RABGAP1L: variants seen among roughly 807,000 people sequenced by gnomAD.
RABGAP1L encodes RAB GTPase activating protein 1 like.
RABGAP1L carries 63 observed loss-of-function variants against 137.7 expected under a neutral mutation model. The ratio of observed to expected loss-of-function variants is 0.46; its 90% CI spans 0.37 to 0.56. The LOEUF (loss-of-function observed/expected upper bound fraction) is 0.56. Ranked by LOEUF, RABGAP1L falls within the 20% of genes least tolerant of loss-of-function variation. The pLI, the probability that RABGAP1L is intolerant of heterozygous loss-of-function variation, is 0.00. For missense variants in RABGAP1L, 1,095 were observed against 1,244.0 expected, an observed-to-expected ratio of 0.88 and a Z score of 1.80; for synonymous variants, 431 against 433.7, an observed-to-expected ratio of 0.99 and a Z score of 0.08.
chr1:174,274,440 G>A (rs1231785327), intron 8 of RABGAP1L, among the ~76,000 whole-genome samples: 1 of 151,966 alleles, frequency 6.6e-6, no homozygotes, highest in Non-Finnish European at 1.5e-5. Context: ...ATAGTATTTG[G>A]TACAGTAACG....
intron 10 of RABGAP1L, among the ~76,000 whole-genome samples, chr1:174,288,584 AG>A (rs1318854237): frequency 6.6e-6 from 1 of 152,162 alleles, no homozygotes; most frequent in Non-Finnish European, 1.5e-5. Flanking sequence ...CAGTCTTACA[AG>A]GGCTCTTTTG....
At position 174,479,898 on chromosome 1, in the gene RABGAP1L, C is replaced by T. The variant is rs78835743; in HGVS notation, c.1710+85753C>T. Reference sequence around the variant, plus strand: ...TGACTAGGATATTTACTCTCTCTCTCTCAGAAACATCTATATCTTTAATAT... The same window carrying T: ...TGACTAGGATATTTACTCTCTCTCTTTCAGAAACATCTATATCTTTAATAT... On this transcript the variant is annotated intron_variant, in intron 13 of 25. Transcript: ENST00000681986. Among the ~76,000 whole-genome samples, 612 of 152,262 alleles carry T rather than the reference C, an allele frequency of 4.0e-3. 6 individuals carry two copies. The highest frequency in any genetic ancestry group is 0.012 in the African/African-American group (496 of 41,564).
chr1:174,784,790 G>T (rs1573183806), intron 18 of RABGAP1L, among the ~76,000 whole-genome samples: 1 of 152,174 alleles, frequency 6.6e-6, no homozygotes, highest in Non-Finnish European at 1.5e-5. Context: ...CTGGTACTAG[G>T]CTTTTACATG....
intron 1 of RABGAP1L, among the ~76,000 whole-genome samples, chr1:174,161,303 C>T (rs1291822930): frequency 6.6e-6 from 1 of 151,788 alleles, no homozygotes; most frequent in African/African-American, 2.4e-5. Flanking sequence ...AGTGCAACAG[C>T]GCGATCTCGG....
At chr1:174,216,800 G>C (rs1462999370) in intron 1 of RABGAP1L, among the ~76,000 whole-genome samples, 4 of 152,072 alleles carry the variant, frequency 2.6e-5, no homozygotes, top group African/African-American at 7.2e-5. Context: ...GAAAGTGATG[G>C]GGGCAAGGGT....
chr1:174,772,612 T>TA (rs1344126116), intron 18 of RABGAP1L, among the ~76,000 whole-genome samples: 3 of 147,716 alleles, frequency 2.0e-5, no homozygotes, highest in African/African-American at 7.5e-5. Context: ...TAACCATTCC[T>TA]AAGTACACAG....
chr1:174,419,909 AC>A (rs1651053650), intron 13 of RABGAP1L, among the ~76,000 whole-genome samples: 1 of 152,114 alleles, frequency 6.6e-6, no homozygotes, highest in South Asian at 2.1e-4. Flanking sequence ...TGCTTCTTTA[AC>A]TTTTTTCACA....
intron 14 of RABGAP1L, among the ~76,000 whole-genome samples, chr1:174,665,434 G>GCCCCA (rs1464186194): frequency 1.5e-5 from 1 of 65,084 alleles, no homozygotes; most frequent in African/African-American, 5.7e-5. Context: ...GCCTCGCCCC[G>GCCCCA]CCCCGCCCCG....
At chr1:174,956,901 G>A (rs1432590159) in intron 19 of RABGAP1L, among the ~76,000 whole-genome samples, 1 of 152,068 alleles carries the variant, frequency 6.6e-6, no homozygotes, top group Non-Finnish European at 1.5e-5. Context: ...GCCCACCTCA[G>A]CCTCCCAAAG....
chr1:174,538,357 A>G (rs1487625804), intron 13 of RABGAP1L, among the ~76,000 whole-genome samples: 1 of 152,146 alleles, frequency 6.6e-6, no homozygotes, highest in African/African-American at 2.4e-5. Flanking sequence ...AGTTCTTTAC[A>G]CATCTTTTTG....
chr1:174,735,702 A>G (rs1201164922), intron 17 of RABGAP1L, among the ~76,000 whole-genome samples: 3 of 151,258 alleles, frequency 2.0e-5, no homozygotes, highest in African/African-American at 7.3e-5. Flanking sequence ...GTGATTCTAC[A>G]GGCTGTACAA....
intron 4 of RABGAP1L, among the ~76,000 whole-genome samples, chr1:174,239,179 G>A (rs1671555946): frequency 6.6e-6 from 1 of 152,270 alleles, no homozygotes; most frequent in Admixed American, 6.5e-5. Flanking sequence ...GCACTCCCTA[G>A]TGAGATGAAC....
At chr1:174,534,802 A>AAAAAAAAAAAAAAAAATAAT (rs1553324953) in intron 13 of RABGAP1L, among the ~76,000 whole-genome samples, 3 of 137,312 alleles carry the variant, frequency 2.2e-5, no homozygotes, top group East Asian at 4.2e-4. Context: ...AAAAAAAAAA[A>AAAAAAAAAAAAAAAAATAAT]AATAATTAGA....
At chr1:174,608,508 T>C (rs1051069403) in intron 13 of RABGAP1L, among the ~76,000 whole-genome samples, 2 of 152,168 alleles carry the variant, frequency 1.3e-5, no homozygotes, top group Non-Finnish European at 2.9e-5. Flanking sequence ...TTTTACATTA[T>C]GAAAGCACTA....
At chr1:174,269,025 C>A (rs1310112990) in intron 7 of RABGAP1L, among the ~76,000 whole-genome samples, 2 of 152,110 alleles carry the variant, frequency 1.3e-5, no homozygotes, top group African/African-American at 4.8e-5. Flanking sequence ...CTCACACAAG[C>A]TCTGCCTCCC....
At chr1:174,659,764 A>T (rs1213907277) in intron 14 of RABGAP1L, among the ~76,000 whole-genome samples, 1 of 152,184 alleles carries the variant, frequency 6.6e-6, no homozygotes, top group Non-Finnish European at 1.5e-5. Flanking sequence ...AATACAGCCT[A>T]TGTAAAACAG....
At chr1:174,822,337 A>G (rs950104693) in intron 19 of RABGAP1L, among the ~76,000 whole-genome samples, 2 of 152,224 alleles carry the variant, frequency 1.3e-5, no homozygotes, top group Non-Finnish European at 2.9e-5. Flanking sequence ...TGAGACTTCT[A>G]TTAACACTCA....
intron 15 of RABGAP1L, among the ~76,000 whole-genome samples, chr1:174,686,988 T>C (rs1464786600): frequency 6.6e-6 from 1 of 152,022 alleles, no homozygotes; most frequent in Non-Finnish European, 1.5e-5. Context: ...TACCGTAGTT[T>C]AGCATTTTTT....
At chr1:174,658,619 T>C (rs1312070847) in intron 14 of RABGAP1L, among the ~76,000 whole-genome samples, 1 of 152,116 alleles carries the variant, frequency 6.6e-6, no homozygotes, top group East Asian at 1.9e-4. Context: ...CTAGGTGAAC[T>C]CCTCCTTATC....
Sources: gnomAD v4.1 joint callset for allele counts (sites outside exome capture counted in the v4.1 genomes callset) on GRCh38, gnomAD v4.1.1 for gene constraint, MANE v1.5 for transcripts, NCBI Gene and HGNC (gene_info 2026-07-23, HGNC 2026-07-21) for gene names.